CACNA1C: variants seen among roughly 807,000 people sequenced by gnomAD.
CACNA1C encodes the protein calcium voltage-gated channel subunit alpha1 C, also known as voltage-dependent L-type calcium channel subunit alpha-1C.
In CACNA1C, 30 loss-of-function variants were observed where a neutral mutation model predicts 229.0. The observed-to-expected ratio is 0.13, with a 90% CI of 0.10 to 0.18. The LOEUF (loss-of-function observed/expected upper bound fraction) is 0.18, where lower values mean the gene tolerates loss of function less well. CACNA1C is among the 10% of genes least tolerant of loss of function. CACNA1C has a pLI of 1.00. For missense variants in CACNA1C, 1,658 were observed against 2,845.0 expected (o/e 0.58, Z 9.49); for synonymous variants, 1,114 against 1,132.5 (o/e 0.98, Z 0.33).
At chr12:2,472,897 G>C (rs758234) in intron 5 of CACNA1C, among the ~76,000 whole-genome samples, 111,595 of 152,090 alleles carry the variant, frequency 0.73, 41,548 homozygotes, top group East Asian at 0.88. Flanking sequence ...TTGGTGCTGA[G>C]ACATTGAAAG....
At position 2,493,459 on chromosome 12, in the gene CACNA1C, C is replaced by A; in HGVS notation, c.1113+73C>A. ...GAACCCTTCCCTGACACCTCCCTTT[C>A]TCCTCCTCCCCATGGTCTTGGGGTC... On this transcript the variant is annotated intron_variant, in intron 7 of 46. Transcript: ENST00000399655. This position sits in a 1 kb window ranked among gnomAD's most constrained non-coding sequence, Gnocchi z 4.6. 2.7e-6 allele frequency: 3 copies of A among 1,124,506 alleles called. No individual in the cohort carries two copies. Among genetic ancestry groups the A allele is most frequent in the Non-Finnish European group, 2.7e-6 (2 of 743,552 alleles). The allele number at this position is 1,124,506 out of a possible 1,614,324, so 69.7% of individuals were successfully genotyped here.
At chr12:2,119,295 G>C (rs2085425054) in intron 2 of CACNA1C, among the ~76,000 whole-genome samples, 1 of 152,180 alleles carries the variant, frequency 6.6e-6, no homozygotes, top group Admixed American at 6.5e-5. Flanking sequence ...ACCCCTCTCT[G>C]TCTTCCTCCT....
At chr12:2,297,645 C>T (rs2094174603) in intron 3 of CACNA1C, among the ~76,000 whole-genome samples, 1 of 152,178 alleles carries the variant, frequency 6.6e-6, no homozygotes, top group African/African-American at 2.4e-5. Flanking sequence ...ACTGTGACAT[C>T]GAAAGCATTC....
At chr12:2,261,286 A>C (rs1008635782) in intron 3 of CACNA1C, among the ~76,000 whole-genome samples, 1 of 152,230 alleles carries the variant, frequency 6.6e-6, no homozygotes, top group Non-Finnish European at 1.5e-5. Flanking sequence ...TAACATAAGC[A>C]ATATTGTTTC....
intron 9 of CACNA1C, among the ~76,000 whole-genome samples, chr12:2,514,726 G>A (rs1306127132): frequency 2.6e-5 from 4 of 152,094 alleles, no homozygotes; most frequent in Non-Finnish European, 4.4e-5. Flanking sequence ...ACCTGCAGTA[G>A]CCACTACACG....
At position 2,493,141 on chromosome 12, in the gene CACNA1C, C is replaced by G. The variant is rs56412831; in HGVS notation, c.917-49C>G. 83,009 of 1,514,050 alleles carry G rather than the reference C, an allele frequency of 0.055. 3,288 individuals carry two copies. The highest frequency in any genetic ancestry group is 0.2 in the African/African-American group (14,495 of 72,930). The allele number at this position is 1,514,050 out of a possible 1,614,324, so 93.8% of individuals were successfully genotyped here. A position where few individuals can be genotyped will look rare whatever the true frequency, so the allele number is the denominator to read the frequency against. On this transcript the variant is annotated intron_variant, in intron 6 of 46. Transcript: ENST00000399655. The surrounding 1 kb of genome is among the most constrained non-coding windows in gnomAD (Gnocchi z 4.6). The stretch of plus-strand genomic sequence containing the variant: ...CTCTGACTTCTTTCTCTGCCCACAT[C>G]TCTCCCTCCCTGCTGCTCCCGTCTC...
At chr12:2,435,137 C>A (rs1567660884) in intron 3 of CACNA1C, among the ~76,000 whole-genome samples, 1 of 152,144 alleles carries the variant, frequency 6.6e-6, no homozygotes, top group South Asian at 2.1e-4. Context: ...CTGCTTGTTT[C>A]CCCTGAGGAT....
chr12:2,047,810 G>C lies in CACNA1C; in HGVS notation c.140-67414G>C, dbSNP rs2051341304. Among the ~76,000 whole-genome samples, 3 of 152,320 alleles carry C rather than the reference G, an allele frequency of 2.0e-5. No individual in the cohort carries two copies. In the South Asian group the frequency reaches 6.2e-4, roughly 32 times the overall value. On this transcript the variant is annotated intron_variant, in intron 1 of 46. Coordinates refer to the CACNA1C transcript ENST00000682462. ...GAAGCTGGTGAAGAATCTCTAGAAG[G>C]CTGCTGCCTCTGCATCTGAGGATGG... is the stretch of plus-strand genomic sequence containing the variant.
At position 2,340,206 on chromosome 12, in the gene CACNA1C, T is replaced by C. The variant is rs562550319; in HGVS notation, c.478-108770T>C. ...TATAATGTACATAATAACATATATA[T>C]GTAAAATAAATAACTGTATTCTATA... On this transcript the variant is annotated intron_variant, in intron 3 of 46. Coordinates refer to ENST00000399655, the MANE Select transcript of CACNA1C (RefSeq NM_000719.7). Among the ~76,000 whole-genome samples, 5 of 152,374 alleles carry C rather than the reference T, an allele frequency of 3.3e-5. No homozygotes were observed. In the East Asian group the frequency reaches 9.6e-4, roughly 29 times the overall value.
At chr12:2,453,612 G>GA (rs2099398023) in intron 4 of CACNA1C, among the ~76,000 whole-genome samples, 1 of 152,040 alleles carries the variant, frequency 6.6e-6, no homozygotes, top group Non-Finnish European at 1.5e-5. Context: ...TCATCACCCG[G>GA]ACTCCTGTTC....
chr12:2,210,687 A>T (rs1197585854), intron 3 of CACNA1C, among the ~76,000 whole-genome samples: 2 of 152,262 alleles, frequency 1.3e-5, no homozygotes, highest in Non-Finnish European at 2.9e-5. Flanking sequence ...CCAGTTTCAA[A>T]GTTTAGAAAC....
At chr12:2,445,249 C>A (rs1483716230) in intron 3 of CACNA1C, among the ~76,000 whole-genome samples, 2 of 152,188 alleles carry the variant, frequency 1.3e-5, no homozygotes, top group African/African-American at 4.8e-5. Flanking sequence ...GGAAGTCCAT[C>A]CATAGCCAGC....
rs1047880185 is a variant in CACNA1C, at chr12:2,486,935, G to A, written c.916+673G>A. Reference sequence around the variant, plus strand: ...TCCTTTTTGAGCCTTCCCACTTCACGTTCCTTCCATAAATCAATATATTTA... The same window carrying A: ...TCCTTTTTGAGCCTTCCCACTTCACATTCCTTCCATAAATCAATATATTTA... On this transcript the variant is annotated intron_variant, in intron 6 of 46. Coordinates refer to ENST00000399655, the MANE Select transcript of CACNA1C (RefSeq NM_000719.7). This position sits in a 1 kb window ranked among gnomAD's most constrained non-coding sequence, Gnocchi z 4.9. 3.9e-5 allele frequency among the ~76,000 whole-genome samples: 6 copies of A among 152,118 alleles called. No individual in the cohort carries two copies. The highest frequency in any genetic ancestry group is 2.6e-4 in the Admixed American group (4 of 15,274).
chr12:2,597,358 G>A lies in CACNA1C; in HGVS notation c.2853+69G>A. 1.3e-6 allele frequency: 2 copies of A among 1,498,128 alleles called. No individual in the cohort carries two copies. The highest frequency in any genetic ancestry group is 1.9e-6 in the Non-Finnish European group (2 of 1,074,456). 92.8% of individuals were successfully genotyped at this position (1,498,128 alleles called of 1,614,324 possible). ...CAGCACCAGGTCTCTGCCGCTGTCT[G>A]TCGCTAACACACATGCTCCTTCCTG... On this transcript the variant is annotated intron_variant, in intron 21 of 46. Transcript: ENST00000399655. This position sits in a 1 kb window ranked among gnomAD's most constrained non-coding sequence, Gnocchi z 4.3.
At chr12:2,135,222 A>C (rs1245544848) in intron 3 of CACNA1C, among the ~76,000 whole-genome samples, 1 of 144,030 alleles carries the variant, frequency 6.9e-6, no homozygotes, top group Admixed American at 6.9e-5. Context: ...ATTTTTTTCA[A>C]AGTTTTCAAC....
At chr12:2,008,335 A>G (rs1343789344) in intron 1 of CACNA1C, among the ~76,000 whole-genome samples, 1 of 151,166 alleles carries the variant, frequency 6.6e-6, no homozygotes, top group African/African-American at 2.4e-5. Context: ...CTCAGGATGG[A>G]GATGTTATTT....
chr12:2,677,035 A>C lies in CACNA1C; in HGVS notation c.4829-59A>C. The C allele has an allele frequency of 7.0e-7, 1 of 1,433,230 alleles. No homozygotes were observed. The highest frequency in any genetic ancestry group is 9.6e-7 in the Non-Finnish European group (1 of 1,036,582). 88.8% of individuals were successfully genotyped at this position (1,433,230 alleles called of 1,614,324 possible). On this transcript the variant is annotated intron_variant, in intron 39 of 46. Coordinates refer to ENST00000399655, the MANE Select transcript of CACNA1C (RefSeq NM_000719.7). This position sits in a 1 kb window ranked among gnomAD's most constrained non-coding sequence, Gnocchi z 7.4. ...GGATGCTGAAAAAAAAAATGAATGA[A>C]GTTCAACTGAATTCCCCTGCTCCCC...
rs138015629 is a variant in CACNA1C at position 2,260,244 on chromosome 12, G to A, written c.477+139814G>A. 1.5e-3 allele frequency among the ~76,000 whole-genome samples: 233 copies of A among 152,176 alleles called. 1 individual carries two copies. Among genetic ancestry groups the A allele is most frequent in the Non-Finnish European group, 1.9e-3 (129 of 68,004 alleles). On this transcript the variant is annotated intron_variant, in intron 3 of 46. Transcript: ENST00000399655. ...GTTAATCCCAGCACTTTAGGAGGCA[G>A]CAGCAGGAAGATTGCTTGAGCCTAG...
chr12:2,457,761 C>G, intron 5 of CACNA1C, 55 bp downstream of exon 5: 1 of 1,415,566 alleles, frequency 7.1e-7, no homozygotes, highest in Non-Finnish European at 9.3e-7. Context: ...CTTCTGCTGT[C>G]CTTTGCTGAA....
Sources: gnomAD v4.1 joint callset for allele counts (sites outside exome capture counted in the v4.1 genomes callset) on GRCh38, gnomAD v4.1.1 for gene constraint, Gnocchi (gnomAD v3.1) non-coding constraint, MANE v1.5 for transcripts, NCBI Gene and HGNC (gene_info 2026-07-23, HGNC 2026-07-21) for gene names.